MTMR9: variants seen among roughly 807,000 people sequenced by gnomAD.
MTMR9 encodes myotubularin related protein 9, also known as myotubularin-related protein 9.
A neutral mutation model predicts 69.5 loss-of-function variants in MTMR9; 39 were observed. That is an observed-to-expected ratio of 0.56 (90% CI 0.43 to 0.73). MTMR9 has a LOEUF of 0.73. Among genes scored for constraint, MTMR9 ranks in the 30% least tolerant of loss-of-function variants. MTMR9 has a pLI of 0.00. For missense variants in MTMR9, 900 were observed against 671.2 expected, an observed-to-expected ratio of 1.34 and a Z score of -3.77; for synonymous variants, 354 against 240.8, an observed-to-expected ratio of 1.47 and a Z score of -4.35.
the MTMR9 span, among the ~76,000 whole-genome samples, chr8:11,336,917 A>G: frequency 4.5e-4 from 68 of 152,332 alleles, 1 homozygote; most frequent in East Asian, 7.7e-3. Context: ...TTGGAAAGTC[A>G]GATAACTCCC....
In MTMR9 at chr8:11,322,762, G is replaced by C. The variant is rs764644468; in HGVS notation, c.1624G>C (p.Glu542Gln). The change falls in exon 10 of 10, where the codon GAG (glutamate) becomes CAG (glutamine). Residue 542 changes from glutamate to glutamine, a missense_variant. Physicochemically the swap from Glu to Gln is conservative, Grantham distance 29. Coordinates refer to ENST00000221086, the MANE Select transcript of MTMR9 (RefSeq NM_015458.4). ...AAGGCAGTTGGCAGAACTGGAAACA[G>C]AGGACGGGATGCAGGAGAGTCCCTG... is the stretch of plus-strand genomic sequence containing the variant. ...LRRQLAELETEDGMQESP is the reference protein window; with the variant it reads ...LRRQLAELETQDGMQESP The C allele has an allele frequency of 6.2e-7, 1 of 1,614,050 alleles. No individual in the cohort carries two copies. Among genetic ancestry groups the C allele is most frequent in the Non-Finnish European group, 8.5e-7 (1 of 1,179,968 alleles).
chr8:11,337,041 T>C, the MTMR9 span, among the ~76,000 whole-genome samples: 2 of 152,170 alleles, frequency 1.3e-5, no homozygotes, highest in Non-Finnish European at 2.9e-5. Flanking sequence ...GGGCGTTGTT[T>C]TGCTGCAAAA....
the MTMR9 span, among the ~76,000 whole-genome samples, chr8:11,339,364 T>C: frequency 6.6e-6 from 1 of 152,250 alleles, no homozygotes; most frequent in Non-Finnish European, 1.5e-5. Context: ...ATTCATGATA[T>C]GGCCCCCGGC....
chr8:11,287,066 A>G (rs1322834007), intron 1 of MTMR9, among the ~76,000 whole-genome samples: 1 of 152,236 alleles, frequency 6.6e-6, no homozygotes, highest in Admixed American at 6.5e-5. Context: ...TGAGCCTGTT[A>G]CCTGTCTATG....
At chr8:11,338,703 C>T in the MTMR9 span, among the ~76,000 whole-genome samples, 3 of 152,166 alleles carry the variant, frequency 2.0e-5, no homozygotes, top group Admixed American at 2.0e-4. Context: ...AGGCTGACGT[C>T]AGCTGGCACG....
At chr8:11,338,933 G>A in the MTMR9 span, among the ~76,000 whole-genome samples, 1 of 152,116 alleles carries the variant, frequency 6.6e-6, no homozygotes, top group East Asian at 1.9e-4. Context: ...CTCTTTTGAG[G>A]GCTGTTAGAT....
intron 9 of MTMR9, among the ~76,000 whole-genome samples, chr8:11,322,097 C>G (rs1800720918): frequency 6.6e-6 from 1 of 152,082 alleles, no homozygotes; most frequent in African/African-American, 2.4e-5. Context: ...TGAAAGATTG[C>G]CTCTCAAGTA....
At chr8:11,332,243 T>C, downstream of MTMR9, 170 of 1,217,814 alleles carry the variant, frequency 1.4e-4, no homozygotes, top group Middle Eastern at 5.8e-4. Flanking sequence ...AGAGTGAAAG[T>C]CTAACTTCCA....
At chr8:11,334,938 C>T in the MTMR9 span, among the ~76,000 whole-genome samples, 1 of 152,186 alleles carries the variant, frequency 6.6e-6, no homozygotes, top group Non-Finnish European at 1.5e-5. Context: ...GGAACTTCCT[C>T]AATTTGACAA....
chr8:11,285,954 T>C (rs975724234), intron 1 of MTMR9, among the ~76,000 whole-genome samples: 102 of 139,930 alleles, frequency 7.3e-4, no homozygotes, highest in Admixed American at 1.0e-3. Flanking sequence ...CTTTCTTTTT[T>C]TTTTTTTTTT....
chr8:11,296,949 T>G (rs1277324444), intron 2 of MTMR9, among the ~76,000 whole-genome samples: 1 of 152,160 alleles, frequency 6.6e-6, no homozygotes, highest in African/African-American at 2.4e-5. Flanking sequence ...ACTTGGTTAG[T>G]TTAAATGGAA....
chr8:11,308,020 T>C (rs544138282), intron 5 of MTMR9, among the ~76,000 whole-genome samples: 1 of 152,354 alleles, frequency 6.6e-6, no homozygotes, highest in Admixed American at 6.5e-5. Context: ...GTTGATTGTT[T>C]TGCTGTGCAA....
At chr8:11,321,774 T>C (rs1157472020) in intron 9 of MTMR9, among the ~76,000 whole-genome samples, 1 of 152,222 alleles carries the variant, frequency 6.6e-6, no homozygotes, top group Non-Finnish European at 1.5e-5. Flanking sequence ...GGTCAGGCTT[T>C]ACGCTGTGGT....
Position 11,296,580 on chromosome 8 carries a change from T to A in MTMR9, c.291+1278T>A, listed in dbSNP as rs1358572356. On this transcript the variant is annotated intron_variant, in intron 2 of 9. Transcript: ENST00000221086. ...TCCTGAGAACCCCCATTCTACTTTC[T>A]GTTTCTCTGAATTTGACTACTTTAG... Among the ~76,000 whole-genome samples the A allele has an allele frequency of 2.0e-5, 3 of 152,224 alleles. No homozygotes were observed. The East Asian group carries it at 5.8e-4, about 29-fold the overall frequency.
the MTMR9 span, among the ~76,000 whole-genome samples, chr8:11,333,381 A>T: frequency 3.3e-5 from 5 of 152,238 alleles, no homozygotes; most frequent in African/African-American, 1.2e-4. Context: ...TAACCTGTCA[A>T]CTGAGAATTA....
intron 4 of MTMR9, among the ~76,000 whole-genome samples, chr8:11,305,567 G>C (rs1461439168): frequency 6.6e-6 from 1 of 152,192 alleles, no homozygotes; most frequent in Admixed American, 6.5e-5. Context: ...TAGTATAATA[G>C]ACATTGATTT....
intron 3 of MTMR9, among the ~76,000 whole-genome samples, chr8:11,303,169 A>T (rs748179274): frequency 6.1e-4 from 90 of 147,836 alleles, no homozygotes; most frequent in Non-Finnish European, 1.2e-3. Flanking sequence ...CAAAAAGGTG[A>T]GAGGAGGACA....
chr8:11,284,910 A>C lies in MTMR9; in HGVS notation c.22A>C (p.Lys8Gln). 1 of 1,610,916 alleles carries C rather than the reference A, an allele frequency of 6.2e-7. No homozygotes were observed. The highest frequency in any genetic ancestry group is 8.5e-7 in the Non-Finnish European group (1 of 1,178,692). Residue 8 changes from lysine (K) to glutamine (Q), a missense_variant, in exon 1 of 10, where the codon AAG (lysine) becomes CAG (glutamine). Physicochemically the swap from Lys to Gln is moderately conservative, Grantham distance 53 (BLOSUM62 1). Coordinates refer to ENST00000221086, the MANE Select transcript of MTMR9 (RefSeq NM_015458.4). ...GAGCATGGAGTTTGCGGAGCTGATTAAGACCCCGCGGGTGGACAATGTGGT... is the reference window on the plus strand; with the variant it reads ...GAGCATGGAGTTTGCGGAGCTGATTCAGACCCCGCGGGTGGACAATGTGGT... Reference protein sequence around the residue: MEFAELIKTPRVDNVVLH... With the variant: MEFAELIQTPRVDNVVLH...
chr8:11,301,775 A>G (rs1285746682), intron 3 of MTMR9, among the ~76,000 whole-genome samples: 3 of 152,140 alleles, frequency 2.0e-5, no homozygotes. Flanking sequence ...TAAAAGAATA[A>G]TCTAATGCAA....
Sources: gnomAD v4.1 joint callset for allele counts (sites outside exome capture counted in the v4.1 genomes callset) on GRCh38, gnomAD v4.1.1 for gene constraint, MANE v1.5 for transcripts, NCBI Gene and HGNC (gene_info 2026-07-23, HGNC 2026-07-21) for gene names.